The following ALKBH3 variants were observed in gnomAD, a reference collection of about 807,000 sequenced individuals.
ALKBH3 encodes alkB homolog 3, alpha-ketoglutarate dependent dioxygenase, also known as alpha-ketoglutarate-dependent dioxygenase alkB homolog 3.
Under a neutral mutation model 43.9 loss-of-function variants are expected in ALKBH3, and 51 were observed. The observed-to-expected ratio is 1.16, with a 90% CI of 0.93 to 1.47. The LOEUF is 1.47. Among genes scored for constraint, ALKBH3 ranks in the 40% most tolerant of loss-of-function variants. ALKBH3 has a pLI of 0.00. For synonymous variants in ALKBH3, 102 were observed against 115.2 expected, an observed-to-expected ratio of 0.89 and a Z score of 0.73; for missense variants, 361 against 351.9, an observed-to-expected ratio of 1.03 and a Z score of -0.21.
chr11:43,902,202 A>G (rs1565127093), intron 8 of ALKBH3, among the ~76,000 whole-genome samples: 1 of 152,190 alleles, frequency 6.6e-6, no homozygotes, highest in Non-Finnish European at 1.5e-5. Flanking sequence ...GAGCATTCAC[A>G]TATGTTTGTT....
chr11:43,884,592 GTAGA>G (rs976556192), intron 4 of ALKBH3, among the ~76,000 whole-genome samples: 1 of 152,116 alleles, frequency 6.6e-6, no homozygotes, highest in African/African-American at 2.4e-5. Flanking sequence ...TTCATCTGAT[GTAGA>G]TAAATTGTCA....
chr11:43,890,031 A>G (rs1834858246), intron 6 of ALKBH3, among the ~76,000 whole-genome samples: 1 of 152,208 alleles, frequency 6.6e-6, no homozygotes, highest in Non-Finnish European at 1.5e-5. Flanking sequence ...CAGAGATCAG[A>G]GAGAACATGG....
In ALKBH3 at chr11:43,898,617, G is replaced by A. The variant is rs112414326; in HGVS notation, c.460-2899G>A. The A allele has an allele frequency of 1.0e-4, 75 of 737,912 alleles. No homozygotes were observed. In the African/African-American group the frequency reaches 1.1e-3, roughly 10 times the overall value. 45.7% of individuals were successfully genotyped at this position (737,912 alleles called of 1,614,324 possible). Reference sequence around the variant, plus strand: ...CTATCAGCTCATGGACCTGCCTGGCGGACTTGGAAGGGGTGAACATGCGCC... The same window carrying A: ...CTATCAGCTCATGGACCTGCCTGGCAGACTTGGAAGGGGTGAACATGCGCC... On this transcript the variant is annotated intron_variant, in intron 7 of 9. Transcript: ENST00000302708.
chr11:43,915,275 T>C lies in ALKBH3; in HGVS notation c.670-3763T>C, dbSNP rs74757314. On this transcript the variant is annotated intron_variant, in intron 8 of 9. Coordinates refer to ENST00000302708, the MANE Select transcript of ALKBH3 (RefSeq NM_139178.4). ...AAGATCTCTAAGTTTGAATGAGTTG[T>C]CATTTCTCCCCTAATTGTTTTTCGT... Among the ~76,000 whole-genome samples the C allele has an allele frequency of 2.7e-4, 41 of 152,144 alleles. 1 individual carries two copies. In the East Asian group the frequency reaches 7.3e-3, roughly 27 times the overall value.
At chr11:43,908,972 G>A (rs995638498) in intron 8 of ALKBH3, among the ~76,000 whole-genome samples, 2 of 152,162 alleles carry the variant, frequency 1.3e-5, no homozygotes, top group African/African-American at 2.4e-5. Flanking sequence ...GGTGTGCCTG[G>A]TATAGGATGA....
intron 7 of ALKBH3, chr11:43,898,864 G>C: frequency 1.3e-6 from 1 of 761,858 alleles, no homozygotes; most frequent in Non-Finnish European, 2.5e-6. Context: ...GGATTACATT[G>C]ATAGATTATT....
Position 43,880,862 on chromosome 11 carries a change from T to C in ALKBH3, c.-388T>C, listed in dbSNP as rs536012493. The stretch of plus-strand genomic sequence containing the variant: ...AAGGTTCCGATCACAGACTGCGGAG[T>C]GGGTCAGGGGCTGCGAGGGCTGCCC... On this transcript the variant is annotated 5_prime_UTR_variant, in exon 1 of 10. Coordinates refer to ENST00000302708, the MANE Select transcript of ALKBH3 (RefSeq NM_139178.4). 1 of 151,984 alleles carries C rather than the reference T, an allele frequency of 6.6e-6. No homozygotes were observed. Among genetic ancestry groups the C allele is most frequent in the South Asian group, 2.1e-4 (1 of 4,804 alleles). The allele number at this position is 151,984 out of a possible 1,614,324, so 9.4% of individuals were successfully genotyped here. A position where few individuals can be genotyped will look rare whatever the true frequency, so the allele number is the denominator to read the frequency against.
intron 8 of ALKBH3, chr11:43,909,890 C>G (rs1262555565): frequency 6.6e-6 from 1 of 152,216 alleles, no homozygotes; most frequent in African/African-American, 2.4e-5. Flanking sequence ...TTTCTCAAAG[C>G]TTAACTCATT....
At chr11:43,890,761 G>A (rs1951778308) in intron 6 of ALKBH3, among the ~76,000 whole-genome samples, 1 of 152,128 alleles carries the variant, frequency 6.6e-6, no homozygotes, top group Admixed American at 6.5e-5. Flanking sequence ...CTACTCGGGA[G>A]GCTGAGGCAG....
chr11:43,902,954 G>C (rs1429926789), intron 8 of ALKBH3, among the ~76,000 whole-genome samples: 1 of 152,220 alleles, frequency 6.6e-6, no homozygotes, highest in Non-Finnish European at 1.5e-5. Context: ...TCTTGTGTCA[G>C]TTCTTCGTCA....
intron 7 of ALKBH3, among the ~76,000 whole-genome samples, chr11:43,895,263 C>A (rs994330817): frequency 1.3e-5 from 2 of 152,182 alleles, no homozygotes; most frequent in Non-Finnish European, 2.9e-5. Context: ...TTGTAATAAT[C>A]CCCGTGTATC....
In ALKBH3 at chr11:43,901,671, T is replaced by G. The variant is rs749135836; in HGVS notation, c.615T>G (p.Ala205=). Residue 205 remains alanine (A), a synonymous_variant, in exon 8 of 10, where the codon GCT becomes GCG. Coordinates refer to ENST00000302708, the MANE Select transcript of ALKBH3 (RefSeq NM_139178.4). The part of the protein sequence containing the change: ...EPSLGRCPII[A]SLSFGATRTF... ...CACTAGGGAGGTGCCCCATTATTGCTTCACTAAGTTTTGGTGCCACACGCA... is the reference window on the plus strand; with the variant it reads ...CACTAGGGAGGTGCCCCATTATTGCGTCACTAAGTTTTGGTGCCACACGCA... 1 of 1,614,254 alleles carries G rather than the reference T, an allele frequency of 6.2e-7. No homozygotes were observed. Among genetic ancestry groups the G allele is most frequent in the East Asian group, 2.2e-5 (1 of 44,888 alleles).
chr11:43,901,528 CT>C lies in ALKBH3; in HGVS notation c.473del (p.Leu158ArgfsTer4). The part of the protein sequence containing the change: ...MEPNPHWHPV[L>X]RTLKNRIEEN... ...CTGTGGATTGCAGTGGCACCCTGTGCTGCGCACACTAAAGAACCGCATTGAA... is the reference window on the plus strand; with the variant it reads ...CTGTGGATTGCAGTGGCACCCTGTGCGCGCACACTAAAGAACCGCATTGAA... On this transcript the variant is annotated frameshift_variant, in exon 8 of 10. Coordinates refer to ENST00000302708, the MANE Select transcript of ALKBH3 (RefSeq NM_139178.4). LOFTEE classifies it high-confidence loss of function. The C allele has an allele frequency of 6.2e-7, 1 of 1,613,588 alleles. No homozygotes were observed. Among genetic ancestry groups the C allele is most frequent in the Non-Finnish European group, 8.5e-7 (1 of 1,179,996 alleles).
At chr11:43,886,551 G>A (rs1951747657) in intron 4 of ALKBH3, 55 bp from the exon 5 acceptor site, 2 of 1,562,250 alleles carry the variant, frequency 1.3e-6, no homozygotes, top group Non-Finnish European at 1.8e-6. Flanking sequence ...CTTCCACTGG[G>A]TATAGCATAT....
At chr11:43,886,019 G>A (rs1951744264) in intron 4 of ALKBH3, among the ~76,000 whole-genome samples, 1 of 152,206 alleles carries the variant, frequency 6.6e-6, no homozygotes, top group South Asian at 2.1e-4. Flanking sequence ...GCATGGAAAA[G>A]CATGGAGTTA....
intron 2 of ALKBH3, 69 bp from the exon 3 acceptor site, chr11:43,883,016 C>G: frequency 6.2e-6 from 8 of 1,294,744 alleles, no homozygotes; most frequent in Non-Finnish European, 8.8e-6. Context: ...CTTTATTGGC[C>G]CTTGCTCAGT....
Position 43,889,712 on chromosome 11 carries a change from A to G in ALKBH3, c.267-13A>G. ...CCATGTTTTTTGGTTAACAATGTTC[A>G]TTCTGCACCCAGGGTCTGTTTGTAT... On this transcript the variant is annotated splice_polypyrimidine_tract_variant and intron_variant, in intron 5 of 9. Transcript: ENST00000302708. 6.2e-7 allele frequency: 1 copy of G among 1,612,018 alleles called. No individual in the cohort carries two copies. Among genetic ancestry groups the G allele is most frequent in the South Asian group, 1.1e-5 (1 of 91,010 alleles).
At chr11:43,910,674 A>G (rs1951931411) in intron 8 of ALKBH3, among the ~76,000 whole-genome samples, 1 of 152,210 alleles carries the variant, frequency 6.6e-6, no homozygotes, top group South Asian at 2.1e-4. Context: ...ATATATTATC[A>G]AGTCCCAAGT....
intron 7 of ALKBH3, among the ~76,000 whole-genome samples, chr11:43,892,528 C>CT (rs1951791608): frequency 6.6e-6 from 1 of 152,214 alleles, no homozygotes; most frequent in African/African-American, 2.4e-5. Flanking sequence ...GAAAAAAAAT[C>CT]TGATGTTTTT....
Sources: gnomAD v4.1 joint callset for allele counts (sites outside exome capture counted in the v4.1 genomes callset) on GRCh38, gnomAD v4.1.1 for gene constraint, MANE v1.5 for transcripts, NCBI Gene and HGNC (gene_info 2026-07-23, HGNC 2026-07-21) for gene names.